The following TRIM4 variants were observed in gnomAD, a reference collection of about 807,000 sequenced individuals.
The protein encoded by TRIM4 is tripartite motif containing 4.
TRIM4 carries 29 observed loss-of-function variants against 33.7 expected under a neutral mutation model. The ratio of observed to expected loss-of-function variants is 0.86; its 90% CI spans 0.64 to 1.17. TRIM4 has a LOEUF of 1.17. Ranked by LOEUF, TRIM4 falls within the 50% of genes most tolerant of loss-of-function variation. TRIM4 has a pLI of 0.00. For synonymous variants in TRIM4, 224 were observed against 233.0 expected (o/e 0.96, Z 0.35); for missense variants, 554 against 593.7 (o/e 0.93, Z 0.69).
chr7:99,899,202 C>T (rs768307282), intron 5 of TRIM4, among the ~76,000 whole-genome samples: 3 of 152,174 alleles, frequency 2.0e-5, no homozygotes, highest in Non-Finnish European at 4.4e-5. Flanking sequence ...CAGAAATGCA[C>T]TCCTCATCTA....
At chr7:99,913,586 G>A (rs182190592) in intron 1 of TRIM4, among the ~76,000 whole-genome samples, 16 of 152,168 alleles carry the variant, frequency 1.1e-4, no homozygotes, top group South Asian at 2.1e-4. Flanking sequence ...CAGGAAAATC[G>A]CTTGAACCCG....
At chr7:99,896,926 G>T (rs180998204) in intron 5 of TRIM4, among the ~76,000 whole-genome samples, 61 of 152,358 alleles carry the variant, frequency 4.0e-4, no homozygotes, top group Middle Eastern at 3.4e-3. Flanking sequence ...AGCCCCCAAG[G>T]TTGAGCTTGT....
intron 5 of TRIM4, 137 bp downstream of exon 5, chr7:99,903,081 G>C (rs763718940): frequency 1.5e-6 from 1 of 655,096 alleles, no homozygotes; most frequent in Non-Finnish European, 2.6e-6. Flanking sequence ...TGAATGAAGT[G>C]TATACCCATT....
intron 3 of TRIM4, among the ~76,000 whole-genome samples, chr7:99,904,081 A>C (rs1243026806): frequency 6.6e-6 from 1 of 152,244 alleles, no homozygotes; most frequent in African/African-American, 2.4e-5. Context: ...AAGTTATAAC[A>C]CAAAAGAGAA....
chr7:99,915,478 A>G (rs966607984), intron 1 of TRIM4, among the ~76,000 whole-genome samples: 2 of 152,198 alleles, frequency 1.3e-5, no homozygotes, highest in African/African-American at 4.8e-5. Flanking sequence ...TCCCCTCACC[A>G]TAACGGGTAT....
In TRIM4 at chr7:99,891,382, A is replaced by G. The variant is rs2572009; in HGVS notation, c.*781T>C. Reference sequence around the variant, plus strand: ...CAGCATATGAAGAGGCTAGCAAAAGATATTTAACAAGCGTTCAACATTCTC... The same window carrying G: ...CAGCATATGAAGAGGCTAGCAAAAGGTATTTAACAAGCGTTCAACATTCTC... On this transcript the variant is annotated 3_prime_UTR_variant, in exon 6 of 6. Transcript: ENST00000349062. 0.65 allele frequency: 98,699 copies of G among 152,202 alleles called. 33,945 individuals are homozygous for G. Among genetic ancestry groups the G allele is most frequent in the African/African-American group, 0.88 (36,686 of 41,536 alleles). 9.4% of individuals were successfully genotyped at this position (152,202 alleles called of 1,614,324 possible). A position where few individuals can be genotyped will look rare whatever the true frequency, so the allele number is the denominator to read the frequency against.
In TRIM4 at chr7:99,917,772, T is replaced by TG. The variant is rs201996639; in HGVS notation, c.393+1236dup. The TG allele has an allele frequency of 3.6e-4, 344 of 957,760 alleles. 5 individuals are homozygous for TG. In the East Asian group the frequency reaches 0.02, roughly 55 times the overall value. 59.3% of individuals were successfully genotyped at this position (957,760 alleles called of 1,614,324 possible). A position where few individuals can be genotyped will look rare whatever the true frequency, so the allele number is the denominator to read the frequency against. ...TAAATTCATGTGTTCATGTACTTACTGCATATCAATTCTGCTGGAGACCAC... is the reference window on the plus strand; with the variant it reads ...TAAATTCATGTGTTCATGTACTTACTGGCATATCAATTCTGCTGGAGACCAC... On this transcript the variant is annotated intron_variant, in intron 1 of 5. Coordinates refer to ENST00000349062, the MANE Select transcript of TRIM4 (RefSeq NM_033091.3).
rs1217386488 is a variant in TRIM4 at position 99,892,007 on chromosome 7, T to G, written c.*156A>C. ...CCACCTCCCATGGGACTGCCTCTTG[T>G]GAAGCACACAAAGGGCAGATACCAA... On this transcript the variant is annotated 3_prime_UTR_variant, in exon 6 of 6. Transcript: ENST00000349062. 2 of 677,676 alleles carry G rather than the reference T, an allele frequency of 3.0e-6. No individual in the cohort carries two copies. The highest frequency in any genetic ancestry group is 4.8e-6 in the Non-Finnish European group (2 of 417,040). The allele number at this position is 677,676 out of a possible 1,614,324, so 42.0% of individuals were successfully genotyped here. A position where few individuals can be genotyped will look rare whatever the true frequency, so the allele number is the denominator to read the frequency against.
rs556795007 is a variant in TRIM4, at chr7:99,919,265, G to A, written c.137C>T (p.Pro46Leu). ...GTGCCGACATTCGGGGCAGGGGAAC[G>A]GGCCGCCGCCCGGCGCCCAGTTGCG... ...LHRNWAPGGG[P>L]FPCPECRHPS... The change falls in exon 1 of 6, where the codon CCG (proline) becomes CTG (leucine). Residue 46 changes from proline (P) to leucine (L), a missense_variant. By Grantham distance (98) the Pro-to-Leu change is moderately conservative. Around this residue, in one of 3 missense-constraint regions of TRIM4, gnomAD observed 233 missense variants for 203.1 expected, o/e 1.15. Coordinates refer to ENST00000349062, the MANE Select transcript of TRIM4 (RefSeq NM_033091.3). 5.2e-6 allele frequency: 8 copies of A among 1,544,744 alleles called. No homozygotes were observed. The highest frequency in any genetic ancestry group is 6.1e-6 in the Non-Finnish European group (7 of 1,145,172).
chr7:99,900,395 A>C (rs2527915), intron 5 of TRIM4, among the ~76,000 whole-genome samples: 97,101 of 152,106 alleles, frequency 0.64, 32,675 homozygotes, highest in African/African-American at 0.85. Context: ...ATCACCCTCA[A>C]AAAAACACCC....
intron 5 of TRIM4, chr7:99,901,149 G>A (rs1335369751): frequency 2.0e-5 from 3 of 152,122 alleles, no homozygotes; most frequent in Non-Finnish European, 4.4e-5. Context: ...TTTATTCTGT[G>A]TATGTTTCAT....
intron 3 of TRIM4, 71 bp from the exon 4 acceptor site, chr7:99,903,669 C>A (rs973454838): frequency 1.9e-6 from 3 of 1,574,380 alleles, no homozygotes; most frequent in Admixed American, 3.3e-5. Flanking sequence ...ACTGTGTGAG[C>A]AGGTATTTTC....
chr7:99,901,595 T>C (rs1313651623), intron 5 of TRIM4: 1 of 152,298 alleles, frequency 6.6e-6, no homozygotes, highest in Non-Finnish European at 1.5e-5. Context: ...ATTTGTAAGG[T>C]GGGTGTGGAG....
At chr7:99,918,403 T>C (rs1360112847) in intron 1 of TRIM4, among the ~76,000 whole-genome samples, 1 of 151,888 alleles carries the variant, frequency 6.6e-6, no homozygotes, top group Non-Finnish European at 1.5e-5. Flanking sequence ...CCCTCTATAC[T>C]AAAAAACAAA....
intron 5 of TRIM4, among the ~76,000 whole-genome samples, chr7:99,896,097 CTTA>C (rs1035733563): frequency 9.9e-5 from 15 of 151,966 alleles, no homozygotes; most frequent in African/African-American, 2.2e-4. Flanking sequence ...CTTTTTCTGC[CTTA>C]TTTTTTATTA....
At chr7:99,908,424 T>C (rs550006285) in intron 3 of TRIM4, 158 bp downstream of exon 3, 8 of 628,296 alleles carry the variant, frequency 1.3e-5, no homozygotes, top group Non-Finnish European at 2.2e-5. Flanking sequence ...TTCCTTTGAA[T>C]GGTGAATCTT....
intron 3 of TRIM4, among the ~76,000 whole-genome samples, chr7:99,903,971 C>T (rs913065334): frequency 6.6e-6 from 1 of 152,174 alleles, no homozygotes; most frequent in African/African-American, 2.4e-5. Flanking sequence ...TACAAGATTG[C>T]TTTTAAATTA....
Position 99,892,383 on chromosome 7 carries a change from G to A in TRIM4, c.1205C>T (p.Pro402Leu). ...AIYWSAAGYW[P>L]LIGFPGTPTQ... ...GGGAGTTCCAGGGAAGCCTATCAAGGGCCAATAGCCAGCAGCACTCCAATA... is the reference window on the plus strand; with the variant it reads ...GGGAGTTCCAGGGAAGCCTATCAAGAGCCAATAGCCAGCAGCACTCCAATA... Residue 402 changes from proline to leucine, a missense_variant, in exon 6 of 6, where the codon CCC becomes CTC. This residue lies in a region of TRIM4 where 290 missense variants were observed against 335.8 expected (regional missense o/e 0.86). Transcript: ENST00000349062. The A allele has an allele frequency of 1.2e-6, 2 of 1,614,052 alleles. No homozygotes were observed. Among genetic ancestry groups the A allele is most frequent in the Non-Finnish European group, 1.7e-6 (2 of 1,180,002 alleles).
At chr7:99,905,100 T>C (rs1315393995) in intron 3 of TRIM4, among the ~76,000 whole-genome samples, 3 of 151,718 alleles carry the variant, frequency 2.0e-5, no homozygotes, top group Admixed American at 1.3e-4. Flanking sequence ...CATATATATA[T>C]ATATCCATAT....
Sources: gnomAD v4.1 joint callset for allele counts (sites outside exome capture counted in the v4.1 genomes callset) on GRCh38, gnomAD v4.1.1 for gene constraint, gnomAD v4.1.1 regional missense constraint, MANE v1.5 for transcripts, NCBI Gene and HGNC (gene_info 2026-07-23, HGNC 2026-07-21) for gene names.